The following ZCCHC8 variants were observed in gnomAD, a reference collection of about 807,000 sequenced individuals.
ZCCHC8 encodes zinc finger CCHC domain-containing protein 8.
A neutral mutation model predicts 70.6 loss-of-function variants in ZCCHC8; 27 were observed. That is an observed-to-expected ratio of 0.38 (90% CI 0.28 to 0.53). The LOEUF (loss-of-function observed/expected upper bound fraction) is 0.53. ZCCHC8 is among the 20% of genes least tolerant of loss of function. ZCCHC8 has a pLI of 0.81. For missense variants in ZCCHC8, 737 were observed against 876.9 expected (o/e 0.84, Z 2.01); for synonymous variants, 293 against 317.4 (o/e 0.92, Z 0.82).
chr12:122,494,589 C>T (rs978273420), intron 2 of ZCCHC8, among the ~76,000 whole-genome samples: 6 of 149,714 alleles, frequency 4.0e-5, no homozygotes, highest in African/African-American at 1.5e-4. Flanking sequence ...GGCACGGTGG[C>T]TCACGCCTGT....
At position 122,480,141 on chromosome 12, in the gene ZCCHC8, CATA is replaced by C. The variant is rs759000523; in HGVS notation, c.1140+46_1140+48del. 4.1e-6 allele frequency: 6 copies of C among 1,479,432 alleles called. No individual in the cohort carries two copies. In the Admixed American group the frequency reaches 1.2e-4, roughly 29 times the overall value. 91.6% of individuals were successfully genotyped at this position (1,479,432 alleles called of 1,614,324 possible). A position where few individuals can be genotyped will look rare whatever the true frequency, so the allele number is the denominator to read the frequency against. ...AGTTAATATTTTGACCAATCTTTAA[CATA>C]ATAATATCACATCACATGATAATTT... On this transcript the variant is annotated intron_variant, in intron 11 of 13. Transcript: ENST00000633063.
At chr12:122,488,156 C>T (rs934529417) in intron 5 of ZCCHC8, among the ~76,000 whole-genome samples, 3 of 151,780 alleles carry the variant, frequency 2.0e-5, no homozygotes, top group Admixed American at 6.6e-5. Context: ...CTCAGTCTCC[C>T]GAGTAGCTGG....
At position 122,495,006 on chromosome 12, in the gene ZCCHC8, G is replaced by A. The variant is rs186040821; in HGVS notation, c.243-2217C>T. Among the ~76,000 whole-genome samples the A allele has an allele frequency of 7.0e-4, 107 of 152,296 alleles. 1 individual carries two copies. The highest frequency in any genetic ancestry group is 2.2e-3 in the African/African-American group (91 of 41,558). ...AAGGAAGTCATTGCAGTTATTAGGT[G>A]TGATAATTGAGTGGTGGTTATGCAT... On this transcript the variant is annotated intron_variant, in intron 2 of 13. Coordinates refer to ENST00000633063, the MANE Select transcript of ZCCHC8 (RefSeq NM_017612.5).
Position 122,481,884 on chromosome 12 carries a change from C to T in ZCCHC8, c.875+61G>A, listed in dbSNP as rs1006576157. 60 of 1,563,614 alleles carry T rather than the reference C, an allele frequency of 3.8e-5. No homozygotes were observed. In the Middle Eastern group the frequency reaches 1.9e-3, roughly 49 times the overall value. ...TCCTGATAATTAGCCCAAAGAGACA[C>T]AGAACATTCCAAATGCTAGGGAAAT... On this transcript the variant is annotated intron_variant, in intron 9 of 13. Transcript: ENST00000633063.
At chr12:122,480,403 A>C in intron 10 of ZCCHC8, 92 bp from the exon 11 acceptor site, 1 of 1,089,710 alleles carries the variant, frequency 9.2e-7, no homozygotes, top group Non-Finnish European at 1.2e-6. Context: ...GCTTATAATC[A>C]TGGCAACAGA....
chr12:122,473,766 T>G lies in ZCCHC8; in HGVS notation c.1855A>C (p.Thr619Pro). The change falls in exon 14 of 14, where the codon ACT (threonine) becomes CCT (proline). Residue 619 changes from threonine (T) to proline (P), a missense_variant. Thr to Pro is a conservative substitution (Grantham distance 38, BLOSUM62 -1). Coordinates refer to ENST00000633063, the MANE Select transcript of ZCCHC8 (RefSeq NM_017612.5). ...KEKAELAPVN[T>P]EGALLDNGSV... is the part of the protein sequence containing the mutation. ...CCATTATCAAGAAGGGCACCTTCAG[T>G]GTTTACCGGAGCCAACTCTGCTTTT... The G allele has an allele frequency of 6.2e-7, 1 of 1,613,348 alleles. No homozygotes were observed. Among genetic ancestry groups the G allele is most frequent in the East Asian group, 2.2e-5 (1 of 44,882 alleles).
Position 122,482,647 on chromosome 12 carries a change from T to C in ZCCHC8, c.720A>G (p.Lys240=). 6.2e-7 allele frequency: 1 copy of C among 1,606,044 alleles called. No homozygotes were observed. Among genetic ancestry groups the C allele is most frequent in the Non-Finnish European group, 8.5e-7 (1 of 1,175,544 alleles). The change falls in exon 8 of 14, where the codon AAA becomes AAG. Residue 240 remains lysine, a synonymous_variant. Coordinates refer to ENST00000633063, the MANE Select transcript of ZCCHC8 (RefSeq NM_017612.5). ...GAGAAAAATTTACCATTGGGCAATCTTTCATTTGGTGTTCTTCAGAACCAC... is the reference window on the plus strand; with the variant it reads ...GAGAAAAATTTACCATTGGGCAATCCTTCATTTGGTGTTCTTCAGAACCAC... ...FNCGSEEHQM[K]DCPMPRNAAR... is the part of the protein sequence containing the mutation.
chr12:122,497,944 T>C (rs917362352), intron 2 of ZCCHC8, among the ~76,000 whole-genome samples: 9 of 152,112 alleles, frequency 5.9e-5, no homozygotes, highest in African/African-American at 1.9e-4. Context: ...TGAGCTATAA[T>C]TGCAACACTG....
Position 122,473,548 on chromosome 12 carries a change from C to G in ZCCHC8, c.2073G>C (p.Leu691Phe). 1 of 1,613,948 alleles carries G rather than the reference C, an allele frequency of 6.2e-7. No individual in the cohort carries two copies. Among genetic ancestry groups the G allele is most frequent in the Non-Finnish European group, 8.5e-7 (1 of 1,179,888 alleles). The change falls in exon 14 of 14, where the codon TTG becomes TTC. Residue 691 changes from leucine to phenylalanine, a missense_variant. Transcript: ENST00000633063. ...GCTGGTTTCGGGGTGAGTTCTTTAACAAGCTTCTTATCCTGAGGTACATTC... is the reference window on the plus strand; with the variant it reads ...GCTGGTTTCGGGGTGAGTTCTTTAAGAAGCTTCTTATCCTGAGGTACATTC... Reference protein sequence around the residue: ...STGMYLRIRSLLKNSPRNQQK... With the variant: ...STGMYLRIRSFLKNSPRNQQK...
chr12:122,487,690 G>A (rs1167353446), intron 5 of ZCCHC8, among the ~76,000 whole-genome samples: 2 of 151,952 alleles, frequency 1.3e-5, no homozygotes, highest in Non-Finnish European at 2.9e-5. Flanking sequence ...CACTTTAAAG[G>A]GTGATTTAAA....
intron 9 of ZCCHC8, 35 bp downstream of exon 9, chr12:122,481,910 A>G: frequency 6.3e-7 from 1 of 1,599,748 alleles, no homozygotes; most frequent in Non-Finnish European, 8.5e-7. Flanking sequence ...CTAGGGAAAT[A>G]AAAATGACCT....
chr12:122,480,928 A>ACCTG (rs1957520857), intron 10 of ZCCHC8: 1 of 152,144 alleles, frequency 6.6e-6, no homozygotes, highest in South Asian at 2.1e-4. Flanking sequence ...CTTTTTAAAA[A>ACCTG]CTCAATACTG....
At chr12:122,490,953 A>G (rs1192617273) in intron 3 of ZCCHC8, 2 of 156,374 alleles carry the variant, frequency 1.3e-5, no homozygotes, top group Non-Finnish European at 2.8e-5. Context: ...TTGGCCATCT[A>G]TTTCTGCAAC....
At chr12:122,489,511 C>A (rs997572335) in intron 4 of ZCCHC8, 48 bp from the exon 5 acceptor site, 1 of 1,523,244 alleles carries the variant, frequency 6.6e-7, no homozygotes, top group South Asian at 1.1e-5. Flanking sequence ...AATTTTTAAC[C>A]AGTTTAAATG....
intron 2 of ZCCHC8, among the ~76,000 whole-genome samples, chr12:122,497,277 A>G (rs2137373836): frequency 6.6e-6 from 1 of 152,264 alleles, no homozygotes; most frequent in Admixed American, 6.5e-5. Flanking sequence ...GCAGTGGCTC[A>G]TGCCTGTTAA....
In ZCCHC8 at chr12:122,483,250, A is replaced by C. The variant is rs937526098; in HGVS notation, c.671+29T>G. The stretch of plus-strand genomic sequence containing the variant: ...ATGATTTTGGTTAAAAAAGTAAATA[A>C]GTAAAACAAAACAACTCCCCACACA... On this transcript the variant is annotated intron_variant, in intron 7 of 13. Transcript: ENST00000633063. The surrounding 1 kb of genome is among the most constrained non-coding windows in gnomAD (Gnocchi z 4.4). 7.0e-6 allele frequency: 11 copies of C among 1,561,390 alleles called. No individual in the cohort carries two copies. Among genetic ancestry groups the C allele is most frequent in the Non-Finnish European group, 8.7e-7 (1 of 1,152,078 alleles).
rs775934027 is a variant in ZCCHC8 at position 122,500,689 on chromosome 12, T to G, written c.152A>C (p.Glu51Ala). The change falls in exon 1 of 14, where the codon GAG (glutamate) becomes GCG (alanine). Residue 51 changes from glutamate to alanine, a missense_variant. Coordinates refer to ENST00000633063, the MANE Select transcript of ZCCHC8 (RefSeq NM_017612.5). This position sits in a 1 kb window ranked among gnomAD's most constrained non-coding sequence, Gnocchi z 4.8. ...ENGVGDAELR[E>A]RLRQCEETIE... ...GGTCTCCTCGCACTGCCGAAGCCGC[T>G]CCCGTAGCTCCGCGTCGCCGACCCC... is the stretch of plus-strand genomic sequence containing the variant. The G allele has an allele frequency of 6.3e-7, 1 of 1,582,140 alleles. No individual in the cohort carries two copies. The highest frequency in any genetic ancestry group is 8.6e-7 in the Non-Finnish European group (1 of 1,164,890).
At chr12:122,474,933 C>A (rs1371497461) in intron 13 of ZCCHC8, among the ~76,000 whole-genome samples, 1 of 152,026 alleles carries the variant, frequency 6.6e-6, no homozygotes, top group Non-Finnish European at 1.5e-5. Flanking sequence ...CAGGGTTTCA[C>A]CATGTTGGCC....
rs891768912 is a variant in ZCCHC8 at position 122,489,317 on chromosome 12, C to G, written c.501+69G>C. Reference sequence around the variant, plus strand: ...TGACTATACTACTTTATCTTTTAAACGCCACCCAGTTGACATAGGATAGGA... The same window carrying G: ...TGACTATACTACTTTATCTTTTAAAGGCCACCCAGTTGACATAGGATAGGA... On this transcript the variant is annotated intron_variant, in intron 5 of 13. Coordinates refer to ENST00000633063, the MANE Select transcript of ZCCHC8 (RefSeq NM_017612.5). 2.8e-6 allele frequency: 4 copies of G among 1,439,836 alleles called. No individual in the cohort carries two copies. The East Asian group carries it at 9.3e-5, about 33-fold the overall frequency. 89.2% of individuals were successfully genotyped at this position (1,439,836 alleles called of 1,614,324 possible). A position where few individuals can be genotyped will look rare whatever the true frequency, so the allele number is the denominator to read the frequency against.
Sources: allele counts gnomAD v4.1 joint callset (sites outside exome capture counted in the v4.1 genomes callset), GRCh38; gene constraint gnomAD v4.1.1; non-coding constraint Gnocchi (gnomAD v3.1); transcripts MANE v1.5; gene names NCBI Gene and HGNC (gene_info 2026-07-23, HGNC 2026-07-21).